The following RAPSN variants were observed in gnomAD, a reference collection of about 807,000 sequenced individuals.
RAPSN encodes the protein receptor associated protein of the synapse, also known as 43 kDa receptor-associated protein of the synapse.
A neutral mutation model predicts 45.7 loss-of-function variants in RAPSN; 33 were observed. The observed-to-expected ratio is 0.72, with a 90% CI of 0.55 to 0.97. The LOEUF is 0.97. RAPSN is among the 50% of genes least tolerant of loss of function. The pLI is 0.00. For synonymous variants in RAPSN, 244 were observed against 233.6 expected, an observed-to-expected ratio of 1.04 and a Z score of -0.40; for missense variants, 519 against 559.4, an observed-to-expected ratio of 0.93 and a Z score of 0.73.
chr11:47,439,116 C>CA (rs1595896848), intron 6 of RAPSN, among the ~76,000 whole-genome samples, 185 bp from the exon 7 acceptor site: 1 of 152,196 alleles, frequency 6.6e-6, no homozygotes, highest in African/African-American at 2.4e-5. Context: ...CTTCACCCCC[C>CA]AGAACTGCCT....
intron 2 of RAPSN, among the ~76,000 whole-genome samples, chr11:47,447,189 C>T (rs1309441599): frequency 6.6e-6 from 1 of 152,116 alleles, no homozygotes; most frequent in East Asian, 1.9e-4. Flanking sequence ...TCAAACATCA[C>T]CTCTGCGAGG....
chr11:47,445,184 C>T (rs1226286258), intron 2 of RAPSN, among the ~76,000 whole-genome samples: 3 of 150,752 alleles, frequency 2.0e-5, no homozygotes, highest in African/African-American at 7.3e-5. Context: ...TGACCGAGAT[C>T]GTGCCACTGC....
At chr11:47,447,711 C>T in intron 2 of RAPSN, 101 bp downstream of exon 2, 1 of 1,345,074 alleles carries the variant, frequency 7.4e-7, no homozygotes, top group Non-Finnish European at 1.0e-6. Flanking sequence ...CTCAGCCCTC[C>T]CTAAAAGGAG....
intron 7 of RAPSN, chr11:47,438,344 C>T (rs559592145): frequency 3.4e-4 from 196 of 573,702 alleles, no homozygotes; most frequent in African/African-American, 3.3e-3. Context: ...TTTGAGGGGC[C>T]TCTCTGACTC....
chr11:47,445,685 T>G (rs916401317), intron 2 of RAPSN, among the ~76,000 whole-genome samples: 1 of 152,012 alleles, frequency 6.6e-6, no homozygotes, highest in African/African-American at 2.4e-5. Context: ...ATATTGGTAT[T>G]GTCTTTTGGA....
chr11:47,441,411 T>C (rs2076361028), intron 5 of RAPSN, 199 bp from the exon 6 acceptor site: 1 of 1,214,956 alleles, frequency 8.2e-7, no homozygotes, highest in Admixed American at 2.1e-5. Flanking sequence ...TACCCAGGGT[T>C]CCAGCCCTTT....
At position 47,448,875 on chromosome 11, in the gene RAPSN, T is replaced by C. The variant is rs753896492; in HGVS notation, c.90A>G (p.Thr30=). The C allele has an allele frequency of 8.1e-6, 13 of 1,614,224 alleles. No individual in the cohort carries two copies. The highest frequency in any genetic ancestry group is 1.1e-5 in the Non-Finnish European group (13 of 1,180,044). The change falls in exon 1 of 8, where the codon ACA becomes ACG. Residue 30 remains threonine (T), a synonymous_variant. Transcript: ENST00000298854. ...NQTEKALQVW[T]KVLEKSSDLM... ...GGTCCGAGCTCTTCTCCAGCACCTT[T>C]GTCCACACCTGCAATGCCTTCTCTG...
intron 2 of RAPSN, 39 bp downstream of exon 2, chr11:47,447,773 A>C (rs1228069886): frequency 6.3e-7 from 1 of 1,581,220 alleles, no homozygotes; most frequent in Admixed American, 1.8e-5. Context: ...GGGGAGCCCC[A>C]AAACCCTCCA....
At position 47,438,053 on chromosome 11, in the gene RAPSN, G is replaced by A; in HGVS notation, c.1167-6C>T. The A allele has an allele frequency of 6.5e-7, 1 of 1,549,678 alleles. No homozygotes were observed. Among genetic ancestry groups the A allele is most frequent in the Non-Finnish European group, 8.7e-7 (1 of 1,146,848 alleles). Reference sequence around the variant, plus strand: ...TCCCGTTGTTCTGCAGGCACCTGGGGAGGCAAAGGGCCCTGTCCACTCCCC... The same window carrying A: ...TCCCGTTGTTCTGCAGGCACCTGGGAAGGCAAAGGGCCCTGTCCACTCCCC... On this transcript the variant is annotated splice_region_variant and splice_polypyrimidine_tract_variant and intron_variant, in intron 7 of 7. Coordinates refer to ENST00000298854, the MANE Select transcript of RAPSN (RefSeq NM_005055.5).
rs886048387 is a variant in RAPSN, at chr11:47,438,887, G to GC, written c.1010dup (p.Ser338GlnfsTer139). 1 of 1,564,950 alleles carries GC rather than the reference G, an allele frequency of 6.4e-7. No homozygotes were observed. The highest frequency in any genetic ancestry group is 1.2e-5 in the South Asian group (1 of 85,034). The stretch of plus-strand genomic sequence containing the variant: ...GCAGTTCCCGCTGCAGCCCTTTGCT[G>GC]CGGTAAATGCTCTCGCTCAGACAGT... On this transcript the variant is annotated frameshift_variant, in exon 7 of 8. Coordinates refer to ENST00000298854, the MANE Select transcript of RAPSN (RefSeq NM_005055.5). LOFTEE classifies it high-confidence loss of function.
intron 2 of RAPSN, among the ~76,000 whole-genome samples, chr11:47,446,913 G>T (rs573794771): frequency 1.3e-5 from 2 of 152,006 alleles, no homozygotes; most frequent in East Asian, 3.9e-4. Flanking sequence ...CCCTGCCCCC[G>T]CCAAAAAATA....
chr11:47,442,966 G>A (rs562155366), intron 2 of RAPSN, 152 bp from the exon 3 acceptor site: 223 of 1,326,886 alleles, frequency 1.7e-4, no homozygotes, highest in Middle Eastern at 1.4e-3. Flanking sequence ...AGAGTGGCCC[G>A]GTAGAGGGAA....
In RAPSN at chr11:47,449,095, C is replaced by A. The variant is rs1029855519; in HGVS notation, c.-131G>T. 4 of 1,104,524 alleles carry A rather than the reference C, an allele frequency of 3.6e-6. No individual in the cohort carries two copies. The highest frequency in any genetic ancestry group is 4.0e-6 in the Non-Finnish European group (3 of 743,102). 68.4% of individuals were successfully genotyped at this position (1,104,524 alleles called of 1,614,324 possible). A position where few individuals can be genotyped will look rare whatever the true frequency, so the allele number is the denominator to read the frequency against. ...AACAAAAGCAGCGTCGGGTGGGAGC[C>A]GGAATGGGGCCTGGATGGAGAGCAG... On this transcript the variant is annotated 5_prime_UTR_variant, in exon 1 of 8. Coordinates refer to ENST00000298854, the MANE Select transcript of RAPSN (RefSeq NM_005055.5).
At chr11:47,442,881 T>C (rs1483364076) in intron 2 of RAPSN, 67 bp from the exon 3 acceptor site, 38 of 1,605,034 alleles carry the variant, frequency 2.4e-5, no homozygotes, top group Non-Finnish European at 3.1e-5. Context: ...CAAGGGCTCC[T>C]GGGCTAGGTT....
At chr11:47,439,026 G>A in intron 6 of RAPSN, 95 bp from the exon 7 acceptor site, 1 of 1,373,178 alleles carries the variant, frequency 7.3e-7, no homozygotes, top group Non-Finnish European at 1.0e-6. Context: ...TCTTGCTGAT[G>A]GACCTTGGAA....
chr11:47,446,853 C>T (rs1015063603), intron 2 of RAPSN, among the ~76,000 whole-genome samples: 5 of 152,144 alleles, frequency 3.3e-5, no homozygotes, highest in Non-Finnish European at 7.3e-5. Flanking sequence ...TGCAGTGAGC[C>T]GAGATGGCAC....
chr11:47,445,847 C>T (rs1256977610), intron 2 of RAPSN, among the ~76,000 whole-genome samples: 1 of 151,992 alleles, frequency 6.6e-6, no homozygotes, highest in Non-Finnish European at 1.5e-5. Flanking sequence ...TCAGTATAAA[C>T]TTCCATTATT....
chr11:47,445,185 G>A (rs888641051), intron 2 of RAPSN, among the ~76,000 whole-genome samples: 2 of 151,414 alleles, frequency 1.3e-5, no homozygotes, highest in African/African-American at 2.4e-5. Flanking sequence ...GACCGAGATC[G>A]TGCCACTGCA....
rs1439230997 is a variant in RAPSN at position 47,440,009 on chromosome 11, C to T, written c.967-1078G>A. 2.6e-5 allele frequency among the ~76,000 whole-genome samples: 4 copies of T among 152,160 alleles called. No homozygotes were observed. The East Asian group carries it at 7.7e-4, about 29-fold the overall frequency. On this transcript the variant is annotated intron_variant, in intron 6 of 7. Transcript: ENST00000298854. ...CCGGCCTTGGTTTTGGTTTTTAGGC[C>T]ATGCTAATCTTCTCTGTATTGTTCC...
Sources: gnomAD v4.1 joint callset for allele counts (sites outside exome capture counted in the v4.1 genomes callset) on GRCh38, gnomAD v4.1.1 for gene constraint, MANE v1.5 for transcripts, NCBI Gene and HGNC (gene_info 2026-07-23, HGNC 2026-07-21) for gene names.